NMNAT1: variants seen among roughly 807,000 people sequenced by gnomAD.
NMNAT1 encodes the protein nicotinamide nucleotide adenylyltransferase 1.
In NMNAT1, 11 loss-of-function variants were observed where a neutral mutation model predicts 16.7. The observed-to-expected ratio is 0.66, with a 90% CI of 0.41 to 1.09. NMNAT1 has a LOEUF of 1.09. NMNAT1 is among the 50% of genes least tolerant of loss of function. NMNAT1 has a pLI of 0.00. For synonymous variants in NMNAT1, 110 were observed against 119.8 expected (o/e 0.92, Z 0.53); for missense variants, 280 against 332.3 (o/e 0.84, Z 1.22).
chr1:9,949,410 C>CTTTTT (rs35755485), intron 1 of NMNAT1, among the ~76,000 whole-genome samples: 56 of 118,072 alleles, frequency 4.7e-4, no homozygotes, highest in Non-Finnish European at 7.0e-4. Flanking sequence ...TCTTCCACTG[C>CTTTTT]TTTTTTTTTT....
chr1:9,993,475 CA>C, the NMNAT1 span, among the ~76,000 whole-genome samples: 64 of 133,988 alleles, frequency 4.8e-4, no homozygotes, highest in Non-Finnish European at 3.7e-4. Flanking sequence ...CACCCCATCT[CA>C]AAAAAAAAAA....
At chr1:9,974,928 T>C (rs1359819929) in intron 2 of NMNAT1, among the ~76,000 whole-genome samples, 2 of 152,200 alleles carry the variant, frequency 1.3e-5, no homozygotes, top group Admixed American at 6.6e-5. Flanking sequence ...AATGGGCTTT[T>C]GCATACATCT....
intron 1 of NMNAT1, 110 bp from the exon 2 acceptor site, chr1:9,971,908 T>C (rs971801735): frequency 5.8e-5 from 33 of 565,294 alleles, no homozygotes; most frequent in African/African-American, 5.6e-4. Context: ...AGTTTGAGGG[T>C]GCAGTCAGCT....
intron 1 of NMNAT1, among the ~76,000 whole-genome samples, chr1:9,967,756 G>A (rs892284834): frequency 2.0e-5 from 3 of 152,040 alleles, no homozygotes; most frequent in Admixed American, 6.6e-5. Context: ...GGTTCGCTTC[G>A]AGATTCTGAG....
At chr1:9,969,496 G>A (rs74829099) in intron 1 of NMNAT1, among the ~76,000 whole-genome samples, 2,669 of 152,216 alleles carry the variant, frequency 0.018, 34 homozygotes, top group Non-Finnish European at 0.027. Flanking sequence ...TTCAGGCCAG[G>A]CACAGTGGTT....
At chr1:9,962,310 G>A (rs1032703797) in intron 1 of NMNAT1, among the ~76,000 whole-genome samples, 5 of 151,264 alleles carry the variant, frequency 3.3e-5, no homozygotes, top group Admixed American at 6.6e-5. Flanking sequence ...GTGAAACCCC[G>A]TCTCTACTAA....
At chr1:9,951,743 G>A (rs1274146985) in intron 1 of NMNAT1, among the ~76,000 whole-genome samples, 1 of 152,170 alleles carries the variant, frequency 6.6e-6, no homozygotes, top group African/African-American at 2.4e-5. Context: ...CCAAAGTACT[G>A]GGATTAGAGG....
chr1:9,959,195 A>G (rs1328578427), intron 1 of NMNAT1, among the ~76,000 whole-genome samples: 1 of 152,020 alleles, frequency 6.6e-6, no homozygotes, highest in Non-Finnish European at 1.5e-5. Context: ...AGCATACTGA[A>G]ACCCCATCTC....
chr1:9,989,415 G>A (rs1050054932), downstream of NMNAT1, among the ~76,000 whole-genome samples: 1 of 151,796 alleles, frequency 6.6e-6, no homozygotes, highest in Non-Finnish European at 1.5e-5. Flanking sequence ...CCAAGATCGC[G>A]CCACTACACT....
chr1:9,995,707 G>GAATAA, the NMNAT1 span, among the ~76,000 whole-genome samples: 2 of 151,008 alleles, frequency 1.3e-5, no homozygotes, highest in African/African-American at 4.9e-5. Context: ...AAATAAAATA[G>GAATAA]AATAAAATAA....
chr1:9,993,356 G>C, the NMNAT1 span, among the ~76,000 whole-genome samples: 1,117 of 152,076 alleles, frequency 7.3e-3, 17 homozygotes, highest in African/African-American at 0.026. Flanking sequence ...GCATGCGCTT[G>C]TAGTCCCAGC....
intron 1 of NMNAT1, among the ~76,000 whole-genome samples, chr1:9,955,130 C>T (rs1017752306): frequency 7.9e-5 from 12 of 151,612 alleles, no homozygotes; most frequent in Non-Finnish European, 1.6e-4. Flanking sequence ...AAGCTGGGCG[C>T]GGTGGCTCAC....
chr1:9,987,738 AAGATTGC>A (rs1642063749), downstream of NMNAT1, among the ~76,000 whole-genome samples: 1 of 118,310 alleles, frequency 8.5e-6, no homozygotes, highest in African/African-American at 5.3e-5. Flanking sequence ...CTGAGGTGAG[AAGATTGC>A]TTGAGCCTGG....
At chr1:9,950,328 T>G (rs949787675) in intron 1 of NMNAT1, among the ~76,000 whole-genome samples, 18 of 152,210 alleles carry the variant, frequency 1.2e-4, no homozygotes, top group African/African-American at 4.3e-4. Flanking sequence ...TGACCTCAAG[T>G]GATCCGCCCG....
In NMNAT1 at chr1:9,982,338, A is replaced by G; in HGVS notation, c.477A>G (p.Leu159=). 1.2e-6 allele frequency: 2 copies of G among 1,614,066 alleles called. No homozygotes were observed. The highest frequency in any genetic ancestry group is 1.7e-6 in the Non-Finnish European group (2 of 1,179,964). The change falls in exon 5 of 5, where the codon TTA becomes TTG. Residue 159 remains leucine, a synonymous_variant. Coordinates refer to ENST00000377205, the MANE Select transcript of NMNAT1 (RefSeq NM_022787.4). ...PKVKLLCGAD[L]LESFAVPNLW... is the part of the protein sequence containing the mutation. ...TCAAGCTGCTGTGTGGGGCAGATTT[A>G]TTGGAGTCCTTTGCTGTTCCCAATT... is the stretch of plus-strand genomic sequence containing the variant.
Position 9,982,745 on chromosome 1 carries a change from G to A in NMNAT1, c.*44G>A. 6.5e-7 allele frequency: 1 copy of A among 1,532,134 alleles called. No homozygotes were observed. The highest frequency in any genetic ancestry group is 8.8e-7 in the Non-Finnish European group (1 of 1,136,434). The allele number at this position is 1,532,134 out of a possible 1,614,324, so 94.9% of individuals were successfully genotyped here. On this transcript the variant is annotated 3_prime_UTR_variant, in exon 5 of 5. Coordinates refer to ENST00000377205, the MANE Select transcript of NMNAT1 (RefSeq NM_022787.4). ...TTTCAGACTTCCCATTTGGGGATCT[G>A]AAACAATCTGGGAGTTAATAACTGG...
downstream of NMNAT1, among the ~76,000 whole-genome samples, chr1:9,985,744 C>CCT (rs1642037527): frequency 6.6e-6 from 1 of 152,162 alleles, no homozygotes; most frequent in South Asian, 2.1e-4. Context: ...CTCACTGCAA[C>CCT]CTCTGCCTCC....
intron 3 of NMNAT1, among the ~76,000 whole-genome samples, chr1:9,979,135 T>C (rs1641877546): frequency 1.3e-5 from 2 of 152,190 alleles, no homozygotes; most frequent in Admixed American, 6.6e-5. Context: ...TCAGTGAAAC[T>C]AGCTGCAAGG....
chr1:9,996,175 T>G, the NMNAT1 span, among the ~76,000 whole-genome samples: 17 of 125,614 alleles, frequency 1.4e-4, no homozygotes, highest in South Asian at 2.6e-4. Flanking sequence ...GCCGGGCGTG[T>G]TGGCGGGCGC....
Sources: gnomAD v4.1 joint callset for allele counts (sites outside exome capture counted in the v4.1 genomes callset) on GRCh38, gnomAD v4.1.1 for gene constraint, MANE v1.5 for transcripts, NCBI Gene and HGNC (gene_info 2026-07-23, HGNC 2026-07-21) for gene names.